Variants in SMYD2 observed in about 807,000 individuals in gnomAD.
SMYD2 encodes SET and MYND domain containing 2.
A neutral mutation model predicts 59.1 loss-of-function variants in SMYD2; 53 were observed. The ratio of observed to expected loss-of-function variants is 0.90; its 90% CI spans 0.72 to 1.13. The LOEUF is 1.13. SMYD2 is among the 50% of genes most tolerant of loss of function. The pLI, the probability that SMYD2 is intolerant of heterozygous loss-of-function variation, is 0.00. For missense variants in SMYD2, 494 were observed against 544.7 expected (o/e 0.91, Z 0.93); for synonymous variants, 208 against 198.8 (o/e 1.05, Z -0.39).
intron 1 of SMYD2, among the ~76,000 whole-genome samples, chr1:214,282,974 A>G (rs1656473594): frequency 6.6e-6 from 1 of 152,150 alleles, no homozygotes. Context: ...GGCAGCACAG[A>G]AGGAGCCTCC....
intron 5 of SMYD2, 32 bp from the exon 6 acceptor site, chr1:214,324,608 AT>A (rs71556604): frequency 6.4e-6 from 10 of 1,571,600 alleles, no homozygotes; most frequent in Middle Eastern, 1.7e-4. Flanking sequence ...GCTCCAGCTC[AT>A]TTTTTTCCTT....
At chr1:214,334,809 G>A (rs1406917042) in intron 11 of SMYD2, among the ~76,000 whole-genome samples, 1 of 152,188 alleles carries the variant, frequency 6.6e-6, no homozygotes, top group Non-Finnish European at 1.5e-5. Context: ...CTTTCCTGAT[G>A]AAGAAAGTGA....
chr1:214,292,929 G>C (rs538863087), intron 1 of SMYD2, among the ~76,000 whole-genome samples: 4 of 151,850 alleles, frequency 2.6e-5, no homozygotes, highest in Non-Finnish European at 5.9e-5. Flanking sequence ...CCTAGGTAAG[G>C]CCTTAGAGCC....
intron 6 of SMYD2, 39 bp downstream of exon 6, chr1:214,324,747 A>T (rs377161706): frequency 1.3e-6 from 2 of 1,556,694 alleles, no homozygotes; most frequent in Non-Finnish European, 1.8e-6. Flanking sequence ...CTTTTTACTT[A>T]CTTAACACTA....
At chr1:214,299,417 CAG>C in intron 1 of SMYD2, among the ~76,000 whole-genome samples, 1 of 150,300 alleles carries the variant, frequency 6.7e-6, no homozygotes. Context: ...AGCAAAGACA[CAG>C]AATCAACCTA....
chr1:214,321,829 AC>A (rs1558055868), intron 5 of SMYD2, among the ~76,000 whole-genome samples: 3 of 152,236 alleles, frequency 2.0e-5, no homozygotes, highest in African/African-American at 7.2e-5. Flanking sequence ...ATGCAAGTTC[AC>A]TTTTCTTCTC....
intron 3 of SMYD2, among the ~76,000 whole-genome samples, chr1:214,315,475 T>C (rs917211889): frequency 6.6e-6 from 1 of 151,920 alleles, no homozygotes; most frequent in African/African-American, 2.4e-5. Flanking sequence ...TGGAAACAGA[T>C]GATAGTCATC....
chr1:214,330,290 C>T lies in SMYD2; in HGVS notation c.816+12C>T. The T allele has an allele frequency of 6.3e-7, 1 of 1,581,708 alleles. No individual in the cohort carries two copies. Among genetic ancestry groups the T allele is most frequent in the Non-Finnish European group, 8.7e-7 (1 of 1,154,394 alleles). On this transcript the variant is annotated intron_variant, in intron 8 of 11. Coordinates refer to ENST00000366957, the MANE Select transcript of SMYD2 (RefSeq NM_020197.3). ...CCACCAAGGACAAGGTAAGGTTGTT[C>T]ATTGGGCAAGAGCGCTGACTGCACT...
Position 214,332,044 on chromosome 1 carries a change from G to T in SMYD2, c.964G>T (p.Glu322Ter), listed in dbSNP as rs769275348. 6.2e-7 allele frequency: 1 copy of T among 1,613,634 alleles called. No homozygotes were observed. Among genetic ancestry groups the T allele is most frequent in the East Asian group, 2.2e-5 (1 of 44,856 alleles). ...KSPSELLEIC[E>*]LSQEKMSSVF... is the part of the protein sequence containing the mutation. ...CCCTAGTGAGCTGCTGGAGATCTGC[G>T]AGCTCAGCCAGGAGAAGATGAGCTC... Residue 322 changes from glutamate to a stop codon, truncating the protein, a stop_gained, in exon 10 of 12, where the codon GAG becomes TAG. Transcript: ENST00000366957. LOFTEE classifies it high-confidence loss of function.
chr1:214,301,769 T>A (rs1294989812), intron 1 of SMYD2, among the ~76,000 whole-genome samples: 20 of 133,370 alleles, frequency 1.5e-4, no homozygotes, highest in South Asian at 2.5e-4. Context: ...TCTTTCAAGT[T>A]AAAAAAAAAA....
intron 5 of SMYD2, among the ~76,000 whole-genome samples, chr1:214,322,854 T>C (rs1657194875): frequency 6.6e-6 from 1 of 152,216 alleles, no homozygotes; most frequent in East Asian, 1.9e-4. Flanking sequence ...ATATTGCGGA[T>C]TTATGGGATG....
intron 2 of SMYD2, among the ~76,000 whole-genome samples, chr1:214,308,313 ATCC>A (rs1656946439): frequency 6.6e-6 from 1 of 152,220 alleles, no homozygotes; most frequent in Non-Finnish European, 1.5e-5. Flanking sequence ...AAGGTTTTTC[ATCC>A]TTTAGTACTG....
chr1:214,287,733 T>A (rs748709335), intron 1 of SMYD2, among the ~76,000 whole-genome samples: 17 of 152,086 alleles, frequency 1.1e-4, no homozygotes, highest in Non-Finnish European at 2.4e-4. Context: ...ATAATATACC[T>A]ACACAGGTAA....
intron 6 of SMYD2, among the ~76,000 whole-genome samples, chr1:214,327,141 G>A (rs2102476437): frequency 6.6e-6 from 1 of 152,288 alleles, no homozygotes; most frequent in Middle Eastern, 3.4e-3. Flanking sequence ...GGTGTCTCCG[G>A]GTCTCTCAGG....
intron 9 of SMYD2, chr1:214,331,611 C>G (rs1418656475): frequency 1.1e-5 from 2 of 184,384 alleles, no homozygotes; most frequent in Non-Finnish European, 2.3e-5. Flanking sequence ...GATTTGTACT[C>G]TAAAGGGTAG....
chr1:214,299,740 G>A (rs1483442690), intron 1 of SMYD2, among the ~76,000 whole-genome samples: 2 of 152,128 alleles, frequency 1.3e-5, no homozygotes, highest in African/African-American at 4.8e-5. Context: ...CCAAGTAGCT[G>A]AGACTACAGG....
At chr1:214,293,117 A>G (rs1571920137) in intron 1 of SMYD2, among the ~76,000 whole-genome samples, 1 of 150,110 alleles carries the variant, frequency 6.7e-6, no homozygotes, top group East Asian at 2.0e-4. Flanking sequence ...CAATAGCACG[A>G]TCTCTGCTCA....
intron 1 of SMYD2, among the ~76,000 whole-genome samples, chr1:214,299,691 C>T (rs1656790958): frequency 6.6e-6 from 1 of 152,118 alleles, no homozygotes; most frequent in Non-Finnish European, 1.5e-5. Context: ...ACTGCAACCT[C>T]TGCCTCCCGA....
chr1:214,318,748 G>GTTTT lies in SMYD2; in HGVS notation c.410-102_410-99dup. The GTTTT allele has an allele frequency of 9.9e-7, 1 of 1,008,022 alleles. No individual in the cohort carries two copies. The highest frequency in any genetic ancestry group is 3.3e-5 in the East Asian group (1 of 30,504). 62.4% of individuals were successfully genotyped at this position (1,008,022 alleles called of 1,614,324 possible). On this transcript the variant is annotated intron_variant, in intron 4 of 11. Transcript: ENST00000366957. The surrounding 1 kb of genome is among the most constrained non-coding windows in gnomAD (Gnocchi z 5.4). ...TGGGGGTTCAACATGTTAGTTTTGG[G>GTTTT]TTTTTTTTTTTTCGCCCGTTCCTTT... is the stretch of plus-strand genomic sequence containing the variant.
Sources: gnomAD v4.1 joint callset for allele counts (sites outside exome capture counted in the v4.1 genomes callset) on GRCh38, gnomAD v4.1.1 for gene constraint, Gnocchi (gnomAD v3.1) non-coding constraint, MANE v1.5 for transcripts, NCBI Gene and HGNC (gene_info 2026-07-23, HGNC 2026-07-21) for gene names.